Variants in NTM observed in about 807,000 individuals in gnomAD.
The protein encoded by NTM is IgLON family member 2.
A neutral mutation model predicts 42.1 loss-of-function variants in NTM; 13 were observed. The observed-to-expected ratio is 0.31, with a 90% confidence interval of 0.20 to 0.49. The LOEUF is 0.49. NTM is among the 20% of genes least tolerant of loss of function. The pLI is 0.99. For missense variants in NTM, 373 were observed against 452.8 expected, an observed-to-expected ratio of 0.82 and a Z score of 1.60; for synonymous variants, 187 against 179.2, an observed-to-expected ratio of 1.04 and a Z score of -0.35.
intron 1 of NTM, among the ~76,000 whole-genome samples, chr11:131,401,848 A>G (rs1487849913): frequency 4.7e-4 from 47 of 99,388 alleles, no homozygotes; most frequent in African/African-American, 1.4e-3. Context: ...ATATATATAT[A>G]TATATATATA....
chr11:131,708,935 G>T (rs181778514), intron 1 of NTM, among the ~76,000 whole-genome samples: 2 of 152,214 alleles, frequency 1.3e-5, no homozygotes, highest in Non-Finnish European at 2.9e-5. Flanking sequence ...AGGAGGTGGG[G>T]TTGCAATTTT....
chr11:131,671,516 G>A, intron 1 of NTM: 1 of 983,278 alleles, frequency 1.0e-6, no homozygotes, highest in East Asian at 1.1e-4. Flanking sequence ...CCTACCGGTG[G>A]CTGCCCTCAC....
chr11:132,184,534 T>C (rs1382587758), intron 3 of NTM, among the ~76,000 whole-genome samples: 1 of 152,154 alleles, frequency 6.6e-6, no homozygotes, highest in Non-Finnish European at 1.5e-5. Flanking sequence ...GGAAATTCTT[T>C]CCTGCAGACC....
At chr11:132,135,969 G>A (rs2067838560) in intron 2 of NTM, among the ~76,000 whole-genome samples, 1 of 152,162 alleles carries the variant, frequency 6.6e-6, no homozygotes, top group African/African-American at 2.4e-5. Context: ...CGTCACCTAG[G>A]TTAACTATCT....
intron 2 of NTM, among the ~76,000 whole-genome samples, chr11:131,938,658 G>T (rs576985562): frequency 2.0e-4 from 30 of 152,342 alleles, no homozygotes; most frequent in South Asian, 1.7e-3. Flanking sequence ...GTGGGGCAGG[G>T]TGACAAGAAA....
At chr11:131,453,289 C>A (rs1396004734) in intron 1 of NTM, among the ~76,000 whole-genome samples, 2 of 152,150 alleles carry the variant, frequency 1.3e-5, no homozygotes, top group African/African-American at 4.8e-5. Context: ...GTAGAAAACT[C>A]AACCTCTGCA....
intron 1 of NTM, among the ~76,000 whole-genome samples, chr11:131,724,038 A>T (rs2078674535): frequency 6.6e-6 from 1 of 152,206 alleles, no homozygotes; most frequent in Admixed American, 6.5e-5. Context: ...GCATCTTTTT[A>T]AAAAGAGGTT....
intron 1 of NTM, among the ~76,000 whole-genome samples, chr11:131,520,428 C>T (rs2049479504): frequency 1.3e-5 from 2 of 152,134 alleles, no homozygotes; most frequent in Non-Finnish European, 2.9e-5. Flanking sequence ...CAGGAGTCCA[C>T]TGGGCGGCAT....
rs544034198 is a variant in NTM, at chr11:132,262,328, C to A, written c.527-45361C>A. Among the ~76,000 whole-genome samples the A allele has an allele frequency of 1.8e-3, 272 of 152,312 alleles. 3 individuals are homozygous for A. Among genetic ancestry groups the A allele is most frequent in the African/African-American group, 6.2e-3 (259 of 41,576 alleles). On this transcript the variant is annotated intron_variant, in intron 4 of 8. Coordinates refer to ENST00000683400, the MANE Select transcript of NTM (RefSeq NM_001352005.2). ...TCCCAGGATTTCTGTGTATTTTACC[C>A]AAGGGTGGGACTTTTGGCCATTTTG...
At chr11:132,052,321 C>G (rs530791478) in intron 2 of NTM, among the ~76,000 whole-genome samples, 1 of 152,296 alleles carries the variant, frequency 6.6e-6, no homozygotes, top group African/African-American at 2.4e-5. Flanking sequence ...TGGACACCAG[C>G]ATTCCGGCAT....
At chr11:131,605,771 G>T (rs1371492019) in intron 1 of NTM, 2 of 983,128 alleles carry the variant, frequency 2.0e-6, no homozygotes, top group African/African-American at 3.5e-5. Flanking sequence ...ATAAATAAAG[G>T]TGCCCTATTC....
intron 2 of NTM, among the ~76,000 whole-genome samples, chr11:132,129,992 C>T (rs2066536570): frequency 6.6e-6 from 1 of 152,212 alleles, no homozygotes; most frequent in African/African-American, 2.4e-5. Context: ...TCCTCTTTCT[C>T]TCTGGATGTT....
At chr11:131,488,461 C>A (rs554504197) in intron 1 of NTM, among the ~76,000 whole-genome samples, 1 of 152,130 alleles carries the variant, frequency 6.6e-6, no homozygotes, top group East Asian at 1.9e-4. Context: ...GGGCAAAAGC[C>A]GTCAGGCCTC....
At chr11:131,710,618 C>A (rs746852976) in intron 1 of NTM, among the ~76,000 whole-genome samples, 7 of 152,086 alleles carry the variant, frequency 4.6e-5, no homozygotes, top group Non-Finnish European at 8.8e-5. Flanking sequence ...AAGTGTAATA[C>A]CCAAACCAGC....
In NTM at chr11:132,036,585, G is replaced by A. The variant is rs768578725; in HGVS notation, c.168-109697G>A. 5.9e-5 allele frequency among the ~76,000 whole-genome samples: 9 copies of A among 152,260 alleles called. 1 individual carries two copies. The highest frequency in any genetic ancestry group is 4.6e-4 in the Admixed American group (7 of 15,292). On this transcript the variant is annotated intron_variant, in intron 2 of 8. Transcript: ENST00000683400. ...AGTAACCTGCCCAATGTCACCAAGC[G>A]AATGGTGTATCTGGGACACAAATGA...
intron 1 of NTM, among the ~76,000 whole-genome samples, chr11:131,504,037 G>T (rs768738354): frequency 6.6e-6 from 1 of 152,136 alleles, no homozygotes; most frequent in East Asian, 1.9e-4. Context: ...TCCAGAAAAG[G>T]TGCTGATCCA....
At chr11:131,818,902 T>C (rs1462916305) in intron 1 of NTM, among the ~76,000 whole-genome samples, 1 of 152,206 alleles carries the variant, frequency 6.6e-6, no homozygotes, top group African/African-American at 2.4e-5. Flanking sequence ...CAGTACCATT[T>C]ATGCTGGTTG....
At chr11:131,580,368 A>G (rs190027988) in intron 1 of NTM, among the ~76,000 whole-genome samples, 41 of 152,204 alleles carry the variant, frequency 2.7e-4, no homozygotes, top group Admixed American at 2.4e-3. Flanking sequence ...GTGATTACAC[A>G]TCAGTACTGT....
chr11:131,936,312 G>C (rs905623776), intron 2 of NTM, among the ~76,000 whole-genome samples: 1 of 152,178 alleles, frequency 6.6e-6, no homozygotes, highest in Non-Finnish European at 1.5e-5. Context: ...AGAAGATGGA[G>C]GTATTACTGT....
Sources: allele counts gnomAD v4.1 joint callset (sites outside exome capture counted in the v4.1 genomes callset), GRCh38; gene constraint gnomAD v4.1.1; transcripts MANE v1.5; gene names NCBI Gene and HGNC (gene_info 2026-07-23, HGNC 2026-07-21).